PRKCE: variants seen among roughly 807,000 people sequenced by gnomAD.
The protein encoded by PRKCE is protein kinase C epsilon.
A neutral mutation model predicts 85.4 loss-of-function variants in PRKCE; 16 were observed. That is an observed-to-expected ratio of 0.19 (90% CI 0.13 to 0.28). The LOEUF is 0.28. Among genes scored for constraint, PRKCE ranks in the 10% least tolerant of loss-of-function variants. The pLI, the probability that PRKCE is intolerant of heterozygous loss-of-function variation, is 1.00. For synonymous variants in PRKCE, 388 were observed against 371.5 expected (o/e 1.04, Z -0.51); for missense variants, 573 against 975.2 (o/e 0.59, Z 5.49).
At chr2:45,859,040 C>CTAAATAAA (rs3045334) in intron 2 of PRKCE, among the ~76,000 whole-genome samples, 62 of 135,418 alleles carry the variant, frequency 4.6e-4, no homozygotes, top group African/African-American at 5.6e-4. Flanking sequence ...GACTCCATCT[C>CTAAATAAA]TAAATAAATA....
At chr2:45,708,121 C>G (rs1679273246) in intron 1 of PRKCE, among the ~76,000 whole-genome samples, 1 of 152,158 alleles carries the variant, frequency 6.6e-6, no homozygotes, top group African/African-American at 2.4e-5. Context: ...TCACTCCTCC[C>G]TACGCATCAT....
In PRKCE at chr2:46,103,269, C is replaced by T. The variant is rs116297237; in HGVS notation, c.1592+16907C>T. ...CATCATTGTGGAGTGGTTTGGTTTTCAGCACTTTCTTACTTTCTGGTATTA... is the reference window on the plus strand; with the variant it reads ...CATCATTGTGGAGTGGTTTGGTTTTTAGCACTTTCTTACTTTCTGGTATTA... On this transcript the variant is annotated intron_variant, in intron 11 of 14. Transcript: ENST00000306156. 5.6e-3 allele frequency among the ~76,000 whole-genome samples: 848 copies of T among 152,280 alleles called. 10 individuals carry two copies. The highest frequency in any genetic ancestry group is 0.019 in the African/African-American group (804 of 41,564).
intron 13 of PRKCE, among the ~76,000 whole-genome samples, chr2:46,157,888 T>C (rs1197388414): frequency 6.6e-6 from 1 of 152,242 alleles, no homozygotes; most frequent in Non-Finnish European, 1.5e-5. Flanking sequence ...CTGAGCTGTG[T>C]CTCCGAGGGC....
intron 10 of PRKCE, among the ~76,000 whole-genome samples, chr2:46,034,396 C>T (rs530742089): frequency 1.1e-4 from 17 of 152,320 alleles, no homozygotes; most frequent in African/African-American, 3.8e-4. Context: ...CCCCTACTTT[C>T]GTAAGGAGGG....
chr2:46,007,298 G>A (rs1050123639), intron 8 of PRKCE, among the ~76,000 whole-genome samples, 164 bp from the exon 9 acceptor site: 2 of 152,158 alleles, frequency 1.3e-5, no homozygotes, highest in African/African-American at 4.8e-5. Context: ...ATAAGAGTGT[G>A]GTGAACAGAT....
chr2:45,842,179 C>G (rs1691405396), intron 1 of PRKCE, among the ~76,000 whole-genome samples: 4 of 152,196 alleles, frequency 2.6e-5, no homozygotes, highest in Non-Finnish European at 2.9e-5. Context: ...AATTATTTCA[C>G]CACCTTGTCT....
At chr2:45,930,139 C>G (rs981671197) in intron 2 of PRKCE, among the ~76,000 whole-genome samples, 2 of 152,208 alleles carry the variant, frequency 1.3e-5, no homozygotes, top group Admixed American at 6.5e-5. Flanking sequence ...CCAGCTCAGT[C>G]ACCTGATTAC....
intron 1 of PRKCE, among the ~76,000 whole-genome samples, chr2:45,793,686 A>G (rs1397664601): frequency 2.0e-5 from 3 of 152,232 alleles, no homozygotes; most frequent in East Asian, 1.9e-4. Context: ...AGCCATGATC[A>G]AGGCCAAACA....
At chr2:45,695,814 T>C (rs1678096646) in intron 1 of PRKCE, among the ~76,000 whole-genome samples, 1 of 152,150 alleles carries the variant, frequency 6.6e-6, no homozygotes, top group East Asian at 1.9e-4. Flanking sequence ...ACCATGCTTG[T>C]AGGATGCAAG....
chr2:46,097,640 T>C (rs1670836594), intron 11 of PRKCE, among the ~76,000 whole-genome samples: 1 of 152,074 alleles, frequency 6.6e-6, no homozygotes, highest in Non-Finnish European at 1.5e-5. Context: ...CTATGTGACC[T>C]GCTTCAGCAA....
At chr2:46,023,508 T>G (rs929046524) in intron 10 of PRKCE, among the ~76,000 whole-genome samples, 2 of 152,228 alleles carry the variant, frequency 1.3e-5, no homozygotes, top group Non-Finnish European at 1.5e-5. Context: ...GTTTATGACT[T>G]TAGAACTACA....
intron 1 of PRKCE, among the ~76,000 whole-genome samples, chr2:45,701,795 G>C (rs527400382): frequency 6.6e-6 from 1 of 152,266 alleles, no homozygotes; most frequent in South Asian, 2.1e-4. Flanking sequence ...TATTACACAG[G>C]TGTTTTAGAA....
In PRKCE at chr2:45,652,357, A is replaced by G; in HGVS notation, c.257A>G (p.Asp86Gly). The change falls in exon 1 of 15, where the codon GAT (aspartate) becomes GGT (glycine). Residue 86 changes from aspartate (D) to glycine (G), a missense_variant. By Grantham distance (94) the Asp-to-Gly change is moderately conservative. Around this residue, in one of 11 missense-constraint regions of PRKCE, gnomAD observed 100 missense variants for 177.1 expected, o/e 0.56. Transcript: ENST00000306156. This position sits in a 1 kb window ranked among gnomAD's most constrained non-coding sequence, Gnocchi z 7.7. ...AAGATCGAGCTGGCTGTCTTTCACGATGCCCCCATAGGCTACGACGACTTC... is the reference window on the plus strand; with the variant it reads ...AAGATCGAGCTGGCTGTCTTTCACGGTGCCCCCATAGGCTACGACGACTTC... ...GRKIELAVFHDAPIGYDDFVA... is the reference protein window; with the variant it reads ...GRKIELAVFHGAPIGYDDFVA... The G allele has an allele frequency of 6.2e-7, 1 of 1,613,612 alleles. No individual in the cohort carries two copies. The highest frequency in any genetic ancestry group is 8.5e-7 in the Non-Finnish European group (1 of 1,179,998).
Position 46,185,023 on chromosome 2 carries a change from C to T in PRKCE, c.*142C>T, listed in dbSNP as rs1295398025. The T allele has an allele frequency of 8.2e-7, 1 of 1,214,798 alleles. No individual in the cohort carries two copies. Among genetic ancestry groups the T allele is most frequent in the Non-Finnish European group, 1.1e-6 (1 of 883,242 alleles). The allele number at this position is 1,214,798 out of a possible 1,614,324, so 75.3% of individuals were successfully genotyped here. A position where few individuals can be genotyped will look rare whatever the true frequency, so the allele number is the denominator to read the frequency against. The stretch of plus-strand genomic sequence containing the variant: ...TGTCCACTGTCTATTTATTGCATTC[C>T]CTTGCCCCAGGCCACCTCCTCCCCC... On this transcript the variant is annotated 3_prime_UTR_variant, in exon 15 of 15. Coordinates refer to ENST00000306156, the MANE Select transcript of PRKCE (RefSeq NM_005400.3). The surrounding 1 kb of genome is among the most constrained non-coding windows in gnomAD (Gnocchi z 4.7).
chr2:45,656,511 C>T (rs1226051246), intron 1 of PRKCE, among the ~76,000 whole-genome samples: 1 of 152,182 alleles, frequency 6.6e-6, no homozygotes, highest in Non-Finnish European at 1.5e-5. Flanking sequence ...TTTGCTGATG[C>T]TTTGAAGTAA....
rs905438728 is a variant in PRKCE at position 46,028,027 on chromosome 2, C to T, written c.1437+17510C>T. On this transcript the variant is annotated intron_variant, in intron 10 of 14. Coordinates refer to ENST00000306156, the MANE Select transcript of PRKCE (RefSeq NM_005400.3). Reference sequence around the variant, plus strand: ...CAAGATCTTAGCTCACTGCAGCCTCCGCCTCCCGGGTTCACGTGATTCTCC... The same window carrying T: ...CAAGATCTTAGCTCACTGCAGCCTCTGCCTCCCGGGTTCACGTGATTCTCC... Among the ~76,000 whole-genome samples, 22 of 152,060 alleles carry T rather than the reference C, an allele frequency of 1.4e-4. No homozygotes were observed. In the South Asian group the frequency reaches 3.1e-3, roughly 22 times the overall value.
intron 1 of PRKCE, among the ~76,000 whole-genome samples, chr2:45,711,285 C>A (rs572333465): frequency 6.6e-6 from 1 of 152,342 alleles, no homozygotes; most frequent in African/African-American, 2.4e-5. Context: ...CTGCAAGGTA[C>A]TTTCCACAGT....
At chr2:45,709,166 C>T (rs1380921462) in intron 1 of PRKCE, among the ~76,000 whole-genome samples, 1 of 152,226 alleles carries the variant, frequency 6.6e-6, no homozygotes, top group East Asian at 1.9e-4. Context: ...CCCCAATTCC[C>T]TTCTGGAAGA....
chr2:46,139,701 T>C lies in PRKCE; in HGVS notation c.1593-5392T>C, dbSNP rs1675320216. 6.6e-6 allele frequency among the ~76,000 whole-genome samples: 1 copy of C among 151,474 alleles called. No individual in the cohort carries two copies. Among genetic ancestry groups the C allele is most frequent in the South Asian group, 2.1e-4 (1 of 4,808 alleles). On this transcript the variant is annotated intron_variant, in intron 11 of 14. Transcript: ENST00000306156. The surrounding 1 kb of genome is among the most constrained non-coding windows in gnomAD (Gnocchi z 5.2). Reference sequence around the variant, plus strand: ...ATATATGCGTATATATATGTGTGTGTATATATATACATATATACATATACA... The same window carrying C: ...ATATATGCGTATATATATGTGTGTGCATATATATACATATATACATATACA...
Sources: gnomAD v4.1 joint callset for allele counts (sites outside exome capture counted in the v4.1 genomes callset) on GRCh38, gnomAD v4.1.1 for gene constraint, gnomAD v4.1.1 regional missense constraint, Gnocchi (gnomAD v3.1) non-coding constraint, MANE v1.5 for transcripts, NCBI Gene and HGNC (gene_info 2026-07-23, HGNC 2026-07-21) for gene names.